Variants in MCTP2 observed in about 807,000 individuals in gnomAD.
MCTP2 encodes multiple C2 and transmembrane domain containing 2, also known as multiple C2 and transmembrane domain-containing protein 2.
In MCTP2, 132 loss-of-function variants were observed where a neutral mutation model predicts 111.6. The observed-to-expected ratio is 1.18, with a 90% confidence interval of 1.03 to 1.37. The LOEUF (loss-of-function observed/expected upper bound fraction) is 1.37. Among genes scored for constraint, MCTP2 ranks in the 40% most tolerant of loss-of-function variants. MCTP2 has a pLI of 0.00. For synonymous variants in MCTP2, 395 were observed against 387.7 expected, an observed-to-expected ratio of 1.02 and a Z score of -0.22; for missense variants, 1,183 against 1,067.9, an observed-to-expected ratio of 1.11 and a Z score of -1.50.
At chr15:94,311,390 T>C (rs964738064) in intron 2 of MCTP2, among the ~76,000 whole-genome samples, 1 of 152,162 alleles carries the variant, frequency 6.6e-6, no homozygotes, top group Non-Finnish European at 1.5e-5. Flanking sequence ...GAAATAAATA[T>C]TAATTCTTCT....
At chr15:94,440,490 G>A (rs1323556850) in intron 18 of MCTP2, among the ~76,000 whole-genome samples, 192 bp downstream of exon 18, 2 of 152,156 alleles carry the variant, frequency 1.3e-5, no homozygotes, top group African/African-American at 4.8e-5. Context: ...GGCATCTTAC[G>A]TTCCTGAGTC....
chr15:94,461,478 C>A (rs1253345341), intron 20 of MCTP2, among the ~76,000 whole-genome samples: 4 of 151,994 alleles, frequency 2.6e-5, no homozygotes, highest in South Asian at 2.1e-4. Context: ...AAACAAAAAA[C>A]CAAAAACCAT....
chr15:94,405,881 T>C (rs577067804), intron 17 of MCTP2, among the ~76,000 whole-genome samples: 44 of 152,222 alleles, frequency 2.9e-4, no homozygotes, highest in Non-Finnish European at 5.1e-4. Context: ...ATTAAGGATA[T>C]ATTTTTTCTT....
chr15:94,398,621 C>G (rs1056577590), intron 14 of MCTP2, among the ~76,000 whole-genome samples: 4 of 152,138 alleles, frequency 2.6e-5, no homozygotes, highest in Admixed American at 1.3e-4. Flanking sequence ...TCCTTTTTCC[C>G]GTGACCTTTA....
chr15:94,416,072 G>A (rs1006439666), intron 17 of MCTP2, among the ~76,000 whole-genome samples: 1 of 152,090 alleles, frequency 6.6e-6, no homozygotes, highest in African/African-American at 2.4e-5. Context: ...TCCACCTCGA[G>A]CATTTTCTAC....
chr15:94,302,649 A>C (rs1555448553), intron 2 of MCTP2, among the ~76,000 whole-genome samples: 1 of 152,162 alleles, frequency 6.6e-6, no homozygotes, highest in Non-Finnish European at 1.5e-5. Context: ...TTTTGACAGA[A>C]TTCAGTCTCC....
chr15:94,314,060 C>T (rs751777881), intron 2 of MCTP2, among the ~76,000 whole-genome samples: 6 of 152,164 alleles, frequency 3.9e-5, no homozygotes, highest in South Asian at 2.1e-4. Flanking sequence ...CCAGCAGGGG[C>T]GTGCAGTTCC....
intron 12 of MCTP2, among the ~76,000 whole-genome samples, chr15:94,371,769 A>G (rs558847765): frequency 6.6e-6 from 1 of 152,106 alleles, no homozygotes; most frequent in African/African-American, 2.4e-5. Context: ...GCTCACTGCA[A>G]CCTCCGCCTA....
At chr15:94,415,682 T>G (rs1286405316) in intron 17 of MCTP2, among the ~76,000 whole-genome samples, 1 of 151,290 alleles carries the variant, frequency 6.6e-6, no homozygotes, top group East Asian at 2.0e-4. Context: ...ATGTTTCCCC[T>G]GAATTAGGCA....
intron 1 of MCTP2, among the ~76,000 whole-genome samples, chr15:94,243,858 CACAT>C (rs1165746858): frequency 6.8e-5 from 10 of 146,540 alleles, no homozygotes; most frequent in South Asian, 2.1e-4. Context: ...TATATGTATA[CACAT>C]ACATATGTGT....
At chr15:94,394,742 G>GC (rs993061294) in intron 14 of MCTP2, among the ~76,000 whole-genome samples, 3 of 152,002 alleles carry the variant, frequency 2.0e-5, no homozygotes, top group Non-Finnish European at 4.4e-5. Flanking sequence ...TCCAGCCTGG[G>GC]CGACAGGGTG....
chr15:94,276,002 T>G lies in MCTP2; in HGVS notation c.-65-22199T>G, dbSNP rs10152554. Among the ~76,000 whole-genome samples the G allele has an allele frequency of 2.0e-5, 3 of 151,990 alleles. No individual in the cohort carries two copies. In the South Asian group the frequency reaches 6.2e-4, roughly 32 times the overall value. ...TAGCTGGGACAGGCACTTGCCACCA[T>G]GCCCAGCTAATTTTTGTATTTTTAG... On this transcript the variant is annotated intron_variant, in intron 1 of 22. Coordinates refer to ENST00000357742, the MANE Select transcript of MCTP2 (RefSeq NM_001385001.1).
intron 1 of MCTP2, among the ~76,000 whole-genome samples, chr15:94,278,662 T>G (rs2074331191): frequency 6.6e-6 from 1 of 152,094 alleles, no homozygotes; most frequent in Non-Finnish European, 1.5e-5. Flanking sequence ...GGGTTTGATG[T>G]ACTAATGGTT....
At chr15:94,303,771 A>G (rs927863668) in intron 2 of MCTP2, among the ~76,000 whole-genome samples, 5 of 151,900 alleles carry the variant, frequency 3.3e-5, no homozygotes, top group Admixed American at 6.6e-5. Flanking sequence ...AATCCTTCCC[A>G]TACTTCAAGG....
At chr15:94,416,318 G>T (rs1036599852) in intron 17 of MCTP2, among the ~76,000 whole-genome samples, 1 of 151,898 alleles carries the variant, frequency 6.6e-6, no homozygotes, top group Non-Finnish European at 1.5e-5. Context: ...TTCGGCTGAC[G>T]GCACTGTATT....
intron 1 of MCTP2, among the ~76,000 whole-genome samples, chr15:94,246,449 A>G (rs890598301): frequency 2.6e-5 from 4 of 152,338 alleles, no homozygotes; most frequent in South Asian, 2.1e-4. Context: ...GAAGCACCAT[A>G]GCCTCCCCTT....
At chr15:94,299,135 A>T (rs188372293) in intron 2 of MCTP2, among the ~76,000 whole-genome samples, 5 of 147,522 alleles carry the variant, frequency 3.4e-5, no homozygotes, top group Non-Finnish European at 7.4e-5. Context: ...AATTTAAATT[A>T]ATGCAGTATT....
At chr15:94,243,393 ATATG>A (rs1295705346) in intron 1 of MCTP2, among the ~76,000 whole-genome samples, 4 of 148,340 alleles carry the variant, frequency 2.7e-5, no homozygotes, top group African/African-American at 7.5e-5. Context: ...ACGTATGCGT[ATATG>A]CGTATGTACA....
chr15:94,468,039 TTGTTC>T (rs2073550020), intron 20 of MCTP2, among the ~76,000 whole-genome samples: 4 of 151,568 alleles, frequency 2.6e-5, no homozygotes, highest in Non-Finnish European at 2.9e-5. Context: ...ACTGATAAAT[TTGTTC>T]ATGCGAAAGT....
Sources: allele counts gnomAD v4.1 joint callset (sites outside exome capture counted in the v4.1 genomes callset), GRCh38; gene constraint gnomAD v4.1.1; transcripts MANE v1.5; gene names NCBI Gene and HGNC (gene_info 2026-07-23, HGNC 2026-07-21).